OR8U3: variants seen among roughly 807,000 people sequenced by gnomAD.
The protein encoded by OR8U3 is olfactory receptor family 8 subfamily U member 3, also known as olfactory receptor 8U3.
For synonymous variants in OR8U3, 170 were observed against 147.0 expected (o/e 1.16, Z -1.13); for missense variants, 429 against 388.6 (o/e 1.10, Z -0.88).
chr11:56,417,780 G>GTA lies in OR8U3; in HGVS notation c.451_452dup (p.Ser152ThrfsTer16), dbSNP rs775452599. The GTA allele has an allele frequency of 1.9e-4, 300 of 1,613,796 alleles. No homozygotes were observed. The highest frequency in any genetic ancestry group is 1.2e-4 in the Non-Finnish European group (137 of 1,179,872). ...TGTGGAAGAGGGCAACCAGGAAGCT[G>GTA]TATATATATGGAACTGCCACCAGTT... On this transcript the variant is annotated frameshift_variant, in exon 1 of 1. Transcript: ENST00000623286. LOFTEE classifies it low-confidence loss of function (END_TRUNC).
rs776387543 is a variant in OR8U3, at chr11:56,417,420, G to T, written c.813C>A (p.Asp271Glu). 4.3e-6 allele frequency: 7 copies of T among 1,613,018 alleles called. No homozygotes were observed. Among genetic ancestry groups the T allele is most frequent in the Non-Finnish European group, 5.9e-6 (7 of 1,179,014 alleles). The change falls in exon 1 of 1, where the codon GAC becomes GAA. Residue 271 changes from aspartate to glutamate, a missense_variant. Coordinates refer to ENST00000623286, the MANE Select transcript of OR8U3 (RefSeq NM_001004744.1). Reference protein sequence around the residue: ...QPKSNHSLDTDKMASVFYTVV... With the variant: ...QPKSNHSLDTEKMASVFYTVV... ...CTGTGTAAAATACAGAAGCCATCTT[G>T]TCTGTGTCCAAGGAGTGATTTGATT...
In OR8U3 at chr11:56,417,317, C is replaced by G; in HGVS notation, c.916G>C (p.Asp306His). The G allele has an allele frequency of 6.3e-7, 1 of 1,579,180 alleles. No homozygotes were observed. Among genetic ancestry groups the G allele is most frequent in the South Asian group, 1.1e-5 (1 of 88,572 alleles). Residue 306 changes from aspartate to histidine, a missense_variant, in exon 1 of 1, where the codon GAT becomes CAT. Coordinates refer to ENST00000623286, the MANE Select transcript of OR8U3 (RefSeq NM_001004744.1). ...ATCTGTAAGTTTTCACAACCTTTAT[C>G]CAAGGCTTTCTTTGAGGCATCTTTC... ...EVKDASKKAL[D>H]KGCENLQILT...
In OR8U3 at chr11:56,417,997, G is replaced by T. The variant is rs1188371796; in HGVS notation, c.236C>A (p.Pro79Gln). The change falls in exon 1 of 1, where the codon CCG becomes CAG. Residue 79 changes from proline (P) to glutamine (Q), a missense_variant. Transcript: ENST00000623286. ...VDLCYSSAIT[P>Q]KMMVNFVVER... Reference sequence around the variant, plus strand: ...CACAACAAAATTCACCATCATCTTCGGTGTAATAGCAGAGGAGTAACAAAG... The same window carrying T: ...CACAACAAAATTCACCATCATCTTCTGTGTAATAGCAGAGGAGTAACAAAG... 6.2e-7 allele frequency: 1 copy of T among 1,613,822 alleles called. No homozygotes were observed. Among genetic ancestry groups the T allele is most frequent in the East Asian group, 2.2e-5 (1 of 44,856 alleles).
rs1853169034 is a variant in OR8U3, at chr11:56,417,359, G to T, written c.874C>A (p.Leu292Ile). The change falls in exon 1 of 1, where the codon CTA (leucine) becomes ATA (isoleucine). Residue 292 changes from leucine (L) to isoleucine (I), a missense_variant. Transcript: ENST00000623286. ...IPMLNPLIYS[L>I]RNKEVKDASK... is the part of the protein sequence containing the mutation. ...GCATCTTTCACTTCTTTGTTCCTTAGACTATAGATTAGGGGGTTTAACATG... is the reference window on the plus strand; with the variant it reads ...GCATCTTTCACTTCTTTGTTCCTTATACTATAGATTAGGGGGTTTAACATG... The T allele has an allele frequency of 6.2e-7, 1 of 1,611,414 alleles. No homozygotes were observed. The highest frequency in any genetic ancestry group is 8.5e-7 in the Non-Finnish European group (1 of 1,177,712).
In OR8U3 at chr11:56,417,317, C is replaced by T; in HGVS notation, c.916G>A (p.Asp306Asn). 1 of 1,579,180 alleles carries T rather than the reference C, an allele frequency of 6.3e-7. No homozygotes were observed. The highest frequency in any genetic ancestry group is 1.1e-5 in the South Asian group (1 of 88,572). The change falls in exon 1 of 1, where the codon GAT (aspartate) becomes AAT (asparagine). Residue 306 changes from aspartate (D) to asparagine (N), a missense_variant. By Grantham distance (23) the Asp-to-Asn change is conservative. Transcript: ENST00000623286. ...EVKDASKKAL[D>N]KGCENLQILT... The stretch of plus-strand genomic sequence containing the variant: ...ATCTGTAAGTTTTCACAACCTTTAT[C>T]CAAGGCTTTCTTTGAGGCATCTTTC...
In OR8U3 at chr11:56,417,912, G is replaced by A; in HGVS notation, c.321C>T (p.Phe107=). The part of the protein sequence containing the change: ...CATQLGCFLT[F]MITECFLLAS... Reference sequence around the variant, plus strand: ...CTAGAAGGAAACACTCAGTGATCATGAAGGTGAGAAAACAACCCAGTTGGG... The same window carrying A: ...CTAGAAGGAAACACTCAGTGATCATAAAGGTGAGAAAACAACCCAGTTGGG... Residue 107 remains phenylalanine (F), a synonymous_variant, in exon 1 of 1, where the codon TTC becomes TTT. Transcript: ENST00000623286. 12 of 1,613,882 alleles carry A rather than the reference G, an allele frequency of 7.4e-6. No individual in the cohort carries two copies. Among genetic ancestry groups the A allele is most frequent in the Non-Finnish European group, 9.3e-6 (11 of 1,179,860 alleles).
Position 56,417,630 on chromosome 11 carries a change from G to A in OR8U3, c.603C>T (p.Ala201=), listed in dbSNP as rs140917782. 4,734 of 1,614,040 alleles carry A rather than the reference G, an allele frequency of 2.9e-3. 87 individuals are homozygous for A. The highest frequency in any genetic ancestry group is 0.025 in the South Asian group (2,277 of 91,082). ...AAGAGATCATATCAAAGCCAGCAAAGGCAAATATCAGAATTTCCTTCATGT... is the reference window on the plus strand; with the variant it reads ...AAGAGATCATATCAAAGCCAGCAAAAGCAAATATCAGAATTTCCTTCATGT... ...DTHMKEILIF[A]FAGFDMISSS... is the part of the protein sequence containing the mutation. The change falls in exon 1 of 1, where the codon GCC becomes GCT. Residue 201 remains alanine, a synonymous_variant. Coordinates refer to ENST00000623286, the MANE Select transcript of OR8U3 (RefSeq NM_001004744.1).
In OR8U3 at chr11:56,417,596, T is replaced by C; in HGVS notation, c.637A>G (p.Ile213Val). 1 of 1,613,796 alleles carries C rather than the reference T, an allele frequency of 6.2e-7. No individual in the cohort carries two copies. Among genetic ancestry groups the C allele is most frequent in the Non-Finnish European group, 8.5e-7 (1 of 1,179,842 alleles). ...ATAAAGATGTAGGAGGTGAGGACAA[T>C]GGAAGAGGAAGAGATCATATCAAAG... ...AGFDMISSSS[I>V]VLTSYIFIIA... Residue 213 changes from isoleucine to valine, a missense_variant, in exon 1 of 1, where the codon ATT becomes GTT. Coordinates refer to ENST00000623286, the MANE Select transcript of OR8U3 (RefSeq NM_001004744.1).
rs143794269 is a variant in OR8U3 at position 56,418,180 on chromosome 11, G to A, written c.53C>T (p.Thr18Ile). The A allele has an allele frequency of 3.4e-5, 55 of 1,611,352 alleles. No individual in the cohort carries two copies. In the African/African-American group the frequency reaches 6.7e-4, roughly 20 times the overall value. Residue 18 changes from threonine to isoleucine, a missense_variant, in exon 1 of 1, where the codon ACC becomes ATC. Thr to Ile is a moderately conservative substitution (Grantham distance 89). Coordinates refer to ENST00000623286, the MANE Select transcript of OR8U3 (RefSeq NM_001004744.1). ...YVTVFILKGI[T>I]NRPELQAPCF... ...CGGGGCCTGAAGCTCTGGCCGGTTGGTAATTCCTTTCAGAATGAATACAGT... is the reference window on the plus strand; with the variant it reads ...CGGGGCCTGAAGCTCTGGCCGGTTGATAATTCCTTTCAGAATGAATACAGT...
rs757556492 is a variant in OR8U3 at position 56,418,093 on chromosome 11, G to T, written c.140C>A (p.Thr47Asn). ...GAGTCGAGTATCAATCTTGATTAAA[G>T]TAATCAACCCAAGATTGCCCAGCAC... ...VTVLGNLGLI[T>N]LIKIDTRLHT... Residue 47 changes from threonine to asparagine, a missense_variant, in exon 1 of 1, where the codon ACT becomes AAT. Transcript: ENST00000623286. The T allele has an allele frequency of 1.2e-6, 2 of 1,613,820 alleles. No individual in the cohort carries two copies. The highest frequency in any genetic ancestry group is 1.1e-5 in the South Asian group (1 of 91,070).
rs1355710760 is a variant in OR8U3, at chr11:56,418,102, C to T, written c.131G>A (p.Gly44Glu). The T allele has an allele frequency of 6.2e-7, 1 of 1,613,744 alleles. No homozygotes were observed. Among genetic ancestry groups the T allele is most frequent in the East Asian group, 2.2e-5 (1 of 44,870 alleles). The change falls in exon 1 of 1, where the codon GGG becomes GAG. Residue 44 changes from glycine (G) to glutamate (E), a missense_variant. Physicochemically the swap from Gly to Glu is moderately conservative, Grantham distance 98. Coordinates refer to ENST00000623286, the MANE Select transcript of OR8U3 (RefSeq NM_001004744.1). ...IYLVTVLGNL[G>E]LITLIKIDTR... is the part of the protein sequence containing the mutation. ...ATCAATCTTGATTAAAGTAATCAAC[C>T]CAAGATTGCCCAGCACTGTGACCAG...
chr11:56,418,142 A>T lies in OR8U3; in HGVS notation c.91T>A (p.Phe31Ile), dbSNP rs1459691619. 6.2e-7 allele frequency: 1 copy of T among 1,613,782 alleles called. No homozygotes were observed. The highest frequency in any genetic ancestry group is 8.5e-7 in the Non-Finnish European group (1 of 1,179,884). ...PELQAPCFGV[F>I]LVIYLVTVLG... is the part of the protein sequence containing the mutation. ...ACTGTGACCAGATAGATAACTAAAAACACCCCAAAGCACGGGGCCTGAAGC... is the reference window on the plus strand; with the variant it reads ...ACTGTGACCAGATAGATAACTAAAATCACCCCAAAGCACGGGGCCTGAAGC... The change falls in exon 1 of 1, where the codon TTT becomes ATT. Residue 31 changes from phenylalanine to isoleucine, a missense_variant. Coordinates refer to ENST00000623286, the MANE Select transcript of OR8U3 (RefSeq NM_001004744.1).
At position 56,417,989 on chromosome 11, in the gene OR8U3, T is replaced by C; in HGVS notation, c.244A>G (p.Met82Val). 6.2e-7 allele frequency: 1 copy of C among 1,613,836 alleles called. No homozygotes were observed. Among genetic ancestry groups the C allele is most frequent in the East Asian group, 2.2e-5 (1 of 44,860 alleles). Residue 82 changes from methionine to valine, a missense_variant, in exon 1 of 1, where the codon ATG (methionine) becomes GTG (valine). By Grantham distance (21) the Met-to-Val change is conservative. Transcript: ENST00000623286. ...CYSSAITPKM[M>V]VNFVVERNTI... ...TTGCGTTCCACAACAAAATTCACCA[T>C]CATCTTCGGTGTAATAGCAGAGGAG... is the stretch of plus-strand genomic sequence containing the variant.
rs1410119730 is a variant in OR8U3, at chr11:56,418,217, T to C, written c.16A>G (p.Ile6Val). 5 of 1,583,092 alleles carry C rather than the reference T, an allele frequency of 3.2e-6. No individual in the cohort carries two copies. The highest frequency in any genetic ancestry group is 2.2e-5 in the East Asian group (1 of 44,696). The change falls in exon 1 of 1, where the codon ATC (isoleucine) becomes GTC (valine). Residue 6 changes from isoleucine to valine, a missense_variant. Transcript: ENST00000623286. Reference protein sequence around the residue: MAEVNIIYVTVFILKG... With the variant: MAEVNVIYVTVFILKG... ...AGAATGAATACAGTGACATAAATGATATTAACTTCAGCCATTTATCCTAAC... is the reference window on the plus strand; with the variant it reads ...AGAATGAATACAGTGACATAAATGACATTAACTTCAGCCATTTATCCTAAC...
chr11:56,417,748 A>G lies in OR8U3; in HGVS notation c.485T>C (p.Ile162Thr), dbSNP rs12785840. 217,617 of 1,613,758 alleles carry G rather than the reference A, an allele frequency of 0.13. 15,371 individuals are homozygous for G. The highest frequency in any genetic ancestry group is 0.17 in the African/African-American group (13,020 of 74,966). Residue 162 changes from isoleucine to threonine, a missense_variant, in exon 1 of 1, where the codon ATC (isoleucine) becomes ACC (threonine). Transcript: ENST00000623286. ...GCCACAGTAAGTCAGACGGAAAGTG[A>G]TAACGGTGTGGAAGAGGGCAACCAG... ...SFLVALFHTV[I>T]TFRLTYCGPN...
At position 56,417,558 on chromosome 11, in the gene OR8U3, G is replaced by A. The variant is rs1434584380; in HGVS notation, c.675C>T (p.Ile225=). 16 of 1,613,906 alleles carry A rather than the reference G, an allele frequency of 9.9e-6. No homozygotes were observed. The highest frequency in any genetic ancestry group is 1.4e-5 in the Non-Finnish European group (16 of 1,179,858). Residue 225 remains isoleucine, a synonymous_variant, in exon 1 of 1, where the codon ATC becomes ATT. Transcript: ENST00000623286. The part of the protein sequence containing the change: ...LTSYIFIIAA[I]LRIRSTQGQH... ...GCCCCTGAGTAGAGCGGATCCTTAG[G>A]ATAGCGGCAATAATAAAGATGTAGG...
Position 56,418,227 on chromosome 11 carries a change from A to G in OR8U3, c.6T>C (p.Ala2=). 1.3e-6 allele frequency: 2 copies of G among 1,576,760 alleles called. No individual in the cohort carries two copies. The highest frequency in any genetic ancestry group is 1.7e-6 in the Non-Finnish European group (2 of 1,165,598). Residue 2 remains alanine, a synonymous_variant, in exon 1 of 1, where the codon GCT becomes GCC. Coordinates refer to ENST00000623286, the MANE Select transcript of OR8U3 (RefSeq NM_001004744.1). M[A]EVNIIYVTVF... Reference sequence around the variant, plus strand: ...CAGTGACATAAATGATATTAACTTCAGCCATTTATCCTAACAGGTTTTGTA... The same window carrying G: ...CAGTGACATAAATGATATTAACTTCGGCCATTTATCCTAACAGGTTTTGTA...
In OR8U3 at chr11:56,418,091, A is replaced by G; in HGVS notation, c.142T>C (p.Leu48=). Residue 48 remains leucine (L), a synonymous_variant, in exon 1 of 1, where the codon TTA becomes CTA. Coordinates refer to ENST00000623286, the MANE Select transcript of OR8U3 (RefSeq NM_001004744.1). ...TGGAGTCGAGTATCAATCTTGATTA[A>G]AGTAATCAACCCAAGATTGCCCAGC... is the stretch of plus-strand genomic sequence containing the variant. ...TVLGNLGLIT[L]IKIDTRLHTP... is the part of the protein sequence containing the mutation. The G allele has an allele frequency of 6.2e-7, 1 of 1,613,844 alleles. No homozygotes were observed. The highest frequency in any genetic ancestry group is 8.5e-7 in the Non-Finnish European group (1 of 1,179,844).
In OR8U3 at chr11:56,417,699, A is replaced by G. The variant is rs754796999; in HGVS notation, c.534T>C (p.Tyr178=). 33 of 1,613,894 alleles carry G rather than the reference A, an allele frequency of 2.0e-5. 1 individual carries two copies. In the South Asian group the frequency reaches 3.3e-4, roughly 16 times the overall value. Residue 178 remains tyrosine, a synonymous_variant, in exon 1 of 1, where the codon TAT becomes TAC. Coordinates refer to ENST00000623286, the MANE Select transcript of OR8U3 (RefSeq NM_001004744.1). ...GAGCTAAGAAGGGGAGGTCATCACA[A>G]TAGAAATGGTTAATTAAGTTTGGGC... ...YCGPNLINHF[Y]CDDLPFLALS...
Sources: gnomAD v4.1 joint callset for allele counts on GRCh38, gnomAD v4.1.1 for gene constraint, MANE v1.5 for transcripts, NCBI Gene and HGNC (gene_info 2026-07-23, HGNC 2026-07-21) for gene names.